The following PPP4R2 variants were observed in gnomAD, a reference collection of about 807,000 sequenced individuals.
The protein encoded by PPP4R2 is serine/threonine-protein phosphatase 4 regulatory subunit 2.
PPP4R2 carries 13 observed loss-of-function variants against 47.2 expected under a neutral mutation model. That is an observed-to-expected ratio of 0.28 (90% CI 0.18 to 0.44). The LOEUF (loss-of-function observed/expected upper bound fraction) is 0.44, where lower values mean the gene tolerates loss of function less well. PPP4R2 is among the 20% of genes least tolerant of loss of function. The probability of loss-of-function intolerance (pLI) is 1.00; values close to 1 mark genes in which losing one functional copy is unlikely to be tolerated. For missense variants in PPP4R2, 421 were observed against 491.2 expected (o/e 0.86, Z 1.35); for synonymous variants, 151 against 163.3 (o/e 0.92, Z 0.57).
chr3:73,064,194 G>T, intron 7 of PPP4R2, 48 bp downstream of exon 7: 2 of 1,486,792 alleles, frequency 1.3e-6, no homozygotes, highest in Non-Finnish European at 1.8e-6. Context: ...AAAAGTTAAA[G>T]TTAACATTTA....
At chr3:73,028,205 T>G (rs908029873) in intron 2 of PPP4R2, among the ~76,000 whole-genome samples, 2 of 110,510 alleles carry the variant, frequency 1.8e-5, no homozygotes, top group Non-Finnish European at 3.7e-5. Flanking sequence ...TGCAGTGAGC[T>G]GAGATCACAC....
At chr3:73,033,213 T>C (rs1022769966) in intron 2 of PPP4R2, among the ~76,000 whole-genome samples, 27 of 152,240 alleles carry the variant, frequency 1.8e-4, no homozygotes, top group Admixed American at 1.8e-3. Flanking sequence ...ACCTACTTAT[T>C]TGATAGTCTG....
chr3:73,031,819 A>G (rs981913570), intron 2 of PPP4R2, among the ~76,000 whole-genome samples: 1 of 152,168 alleles, frequency 6.6e-6, no homozygotes, highest in Admixed American at 6.5e-5. Context: ...GTCTGCATAT[A>G]TCTACTGTAT....
chr3:73,052,007 A>T (rs1702623613), intron 3 of PPP4R2, among the ~76,000 whole-genome samples: 1 of 152,106 alleles, frequency 6.6e-6, no homozygotes, highest in African/African-American at 2.4e-5. Context: ...GCTTCTGGAG[A>T]GCTGGGGTAA....
rs1438658121 is a variant in PPP4R2, at chr3:73,069,003, A to T, written c.*3281A>T. ...AATGCAAAACACCTTGTAATTTCAT[A>T]TGGAATTATAAAAATTAGGTTTGCT... On this transcript the variant is annotated 3_prime_UTR_variant, in exon 9 of 9. Transcript: ENST00000356692. The T allele has an allele frequency of 6.6e-6, 1 of 152,204 alleles. No homozygotes were observed. Among genetic ancestry groups the T allele is most frequent in the Non-Finnish European group, 1.5e-5 (1 of 68,042 alleles). The allele number at this position is 152,204 out of a possible 1,614,324, so 9.4% of individuals were successfully genotyped here.
At chr3:73,062,686 G>A (rs1156706394) in intron 5 of PPP4R2, 2 of 1,613,990 alleles carry the variant, frequency 1.2e-6, no homozygotes, top group Non-Finnish European at 1.7e-6. Context: ...GATAAGATTT[G>A]CACCAGCAGT....
chr3:73,065,140 A>C lies in PPP4R2; in HGVS notation c.927A>C (p.Glu309Asp). The C allele has an allele frequency of 1.3e-6, 2 of 1,598,884 alleles. No homozygotes were observed. The highest frequency in any genetic ancestry group is 1.7e-6 in the Non-Finnish European group (2 of 1,173,392). Residue 309 changes from glutamate to aspartate, a missense_variant and splice_region_variant, in exon 8 of 9, where the codon GAA becomes GAC. Transcript: ENST00000356692. Reference sequence around the variant, plus strand: ...AAGAAGAGGATGAAGAGGAAGAAGAAGGTATTTAGAGACCATCTGTAAAAG... The same window carrying C: ...AAGAAGAGGATGAAGAGGAAGAAGACGGTATTTAGAGACCATCTGTAAAAG... ...EDEEEDEEEE[E>D]ESFMTSREMI...
At chr3:73,058,889 C>T (rs911203005) in intron 3 of PPP4R2, 148 bp from the exon 4 acceptor site, 21 of 305,452 alleles carry the variant, frequency 6.9e-5, no homozygotes, top group Non-Finnish European at 1.1e-4. Context: ...TTTTAAATGA[C>T]TCATCCATTT....
chr3:73,033,363 C>G (rs1470571517), intron 2 of PPP4R2, among the ~76,000 whole-genome samples: 1 of 152,174 alleles, frequency 6.6e-6, no homozygotes, highest in Non-Finnish European at 1.5e-5. Flanking sequence ...AGAATCTTCT[C>G]TTTGATTCCA....
intron 2 of PPP4R2, among the ~76,000 whole-genome samples, chr3:73,017,676 T>G (rs1278945596): frequency 6.6e-6 from 1 of 152,190 alleles, no homozygotes; most frequent in Non-Finnish European, 1.5e-5. Context: ...CTTGACAAAG[T>G]TGGAAGAACT....
At chr3:73,015,871 C>T (rs1479506079) in intron 2 of PPP4R2, 2 of 394,056 alleles carry the variant, frequency 5.1e-6, no homozygotes, top group Admixed American at 2.7e-5. Flanking sequence ...ATCTCCTGAC[C>T]TCGTGATCTA....
chr3:73,028,214 A>G (rs1702103776), intron 2 of PPP4R2, among the ~76,000 whole-genome samples: 1 of 147,724 alleles, frequency 6.8e-6, no homozygotes, highest in Admixed American at 6.8e-5. Flanking sequence ...CTGAGATCAC[A>G]CCACCATATT....
intron 3 of PPP4R2, among the ~76,000 whole-genome samples, chr3:73,055,983 A>G (rs1057202941): frequency 6.6e-6 from 1 of 152,208 alleles, no homozygotes; most frequent in African/African-American, 2.4e-5. Context: ...AGGATTTCTG[A>G]ATAGACTTTT....
chr3:73,064,018 G>A lies in PPP4R2; in HGVS notation c.510G>A (p.Gly170=), dbSNP rs1168726118. 3 of 1,604,528 alleles carry A rather than the reference G, an allele frequency of 1.9e-6. No homozygotes were observed. Among genetic ancestry groups the A allele is most frequent in the Non-Finnish European group, 2.5e-6 (3 of 1,177,628 alleles). ...CTTATTATAGGTCTAATATAAATGG[G>A]CCTGGGACACCCAGGCCACTTAATC... The part of the protein sequence containing the change: ...PSYTERSNIN[G]PGTPRPLNRP... Residue 170 remains glycine (G), a synonymous_variant, in exon 7 of 9, where the codon GGG becomes GGA. Coordinates refer to ENST00000356692, the MANE Select transcript of PPP4R2 (RefSeq NM_174907.4).
chr3:73,038,630 G>T (rs1176564102), intron 2 of PPP4R2, among the ~76,000 whole-genome samples: 1 of 152,148 alleles, frequency 6.6e-6, no homozygotes, highest in Non-Finnish European at 1.5e-5. Flanking sequence ...TCCTGACCTT[G>T]TGATCCGCCC....
chr3:73,064,828 GAC>G (rs1054202245), intron 7 of PPP4R2, 22 bp from the exon 8 acceptor site: 2 of 1,549,504 alleles, frequency 1.3e-6, no homozygotes, highest in African/African-American at 2.8e-5. Context: ...TCTTATTAAT[GAC>G]ACTTTAAAAA....
At position 73,068,009 on chromosome 3, in the gene PPP4R2, A is replaced by G. The variant is rs1703035856; in HGVS notation, c.*2287A>G. 6.6e-6 allele frequency: 1 copy of G among 152,172 alleles called. No homozygotes were observed. Among genetic ancestry groups the G allele is most frequent in the African/African-American group, 2.4e-5 (1 of 41,456 alleles). 9.4% of individuals were successfully genotyped at this position (152,172 alleles called of 1,614,324 possible). A position where few individuals can be genotyped will look rare whatever the true frequency, so the allele number is the denominator to read the frequency against. ...GATAATTGTAGAATGCTCATGGAAT[A>G]TCTTTAGGGTAGGTGGAATACTTCT... is the stretch of plus-strand genomic sequence containing the variant. On this transcript the variant is annotated 3_prime_UTR_variant, in exon 9 of 9. Coordinates refer to ENST00000356692, the MANE Select transcript of PPP4R2 (RefSeq NM_174907.4).
intron 2 of PPP4R2, among the ~76,000 whole-genome samples, chr3:73,015,639 CTTT>C (rs1357650265): frequency 2.2e-5 from 3 of 139,018 alleles, no homozygotes; most frequent in African/African-American, 2.6e-5. Context: ...CCATGCCCAG[CTTT>C]TTTTTTTTTT....
Position 73,065,788 on chromosome 3 carries a change from T to A in PPP4R2, c.*66T>A. On this transcript the variant is annotated 3_prime_UTR_variant, in exon 9 of 9. Coordinates refer to ENST00000356692, the MANE Select transcript of PPP4R2 (RefSeq NM_174907.4). ...CTGGTTTTAACACTGTATAAAACTT[T>A]TGTGTAATAAAATGGACCTTTAGTT... is the stretch of plus-strand genomic sequence containing the variant. 1 of 1,110,478 alleles carries A rather than the reference T, an allele frequency of 9.0e-7. No homozygotes were observed. Among genetic ancestry groups the A allele is most frequent in the Non-Finnish European group, 1.3e-6 (1 of 790,980 alleles). The allele number at this position is 1,110,478 out of a possible 1,614,324, so 68.8% of individuals were successfully genotyped here. A position where few individuals can be genotyped will look rare whatever the true frequency, so the allele number is the denominator to read the frequency against.
Sources: allele counts gnomAD v4.1 joint callset (sites outside exome capture counted in the v4.1 genomes callset), GRCh38; gene constraint gnomAD v4.1.1; transcripts MANE v1.5; gene names NCBI Gene and HGNC (gene_info 2026-07-23, HGNC 2026-07-21).